ADGRL2: variants seen among roughly 807,000 people sequenced by gnomAD.
ADGRL2 encodes adhesion G protein-coupled receptor L2, also known as calcium-independent alpha-latrotoxin receptor 2.
Under a neutral mutation model 157.4 loss-of-function variants are expected in ADGRL2, and 44 were observed. That is an observed-to-expected ratio of 0.28 (90% CI 0.22 to 0.36). The LOEUF (loss-of-function observed/expected upper bound fraction) is 0.36, where lower values mean the gene tolerates loss of function less well. ADGRL2 is among the 10% of genes least tolerant of loss of function. ADGRL2 has a pLI of 1.00. For synonymous variants in ADGRL2, 585 were observed against 624.7 expected (o/e 0.94, Z 0.95); for missense variants, 1,510 against 1,768.9 (o/e 0.85, Z 2.63).
chr1:81,886,402 C>G (rs1364888139), intron 2 of ADGRL2, among the ~76,000 whole-genome samples: 1 of 152,162 alleles, frequency 6.6e-6, no homozygotes, highest in Non-Finnish European at 1.5e-5. Flanking sequence ...GATCTCCTGA[C>G]CTCGTGATCT....
At chr1:81,960,600 G>A (rs1452268622) in intron 11 of ADGRL2, among the ~76,000 whole-genome samples, 1 of 151,728 alleles carries the variant, frequency 6.6e-6, no homozygotes, top group Non-Finnish European at 1.5e-5. Flanking sequence ...TCGGCCTCCC[G>A]AGTAGCTGGG....
At chr1:81,694,149 G>T (rs746834903) in intron 3 of ADGRL2, among the ~76,000 whole-genome samples, 2 of 152,078 alleles carry the variant, frequency 1.3e-5, no homozygotes, top group Non-Finnish European at 2.9e-5. Context: ...TTGGAAAATG[G>T]ATCTCTCCTT....
At chr1:81,874,591 CTGTCT>C (rs747846422) in intron 2 of ADGRL2, among the ~76,000 whole-genome samples, 52 of 151,096 alleles carry the variant, frequency 3.4e-4, no homozygotes, top group African/African-American at 1.2e-3. Flanking sequence ...TTCTTTCTGT[CTGTCT>C]TGTCTTGTCT....
At chr1:81,835,255 G>T (rs1176174544) in intron 1 of ADGRL2, among the ~76,000 whole-genome samples, 5 of 152,060 alleles carry the variant, frequency 3.3e-5, no homozygotes, top group Admixed American at 3.3e-4. Context: ...GTGGTCCAAA[G>T]GCTGACTTAA....
At chr1:81,408,260 A>T (rs776706282) in intron 1 of ADGRL2, among the ~76,000 whole-genome samples, 16 of 152,192 alleles carry the variant, frequency 1.1e-4, no homozygotes, top group Non-Finnish European at 2.4e-4. Context: ...TCATTTTGTG[A>T]AATTACAGCA....
chr1:81,990,260 G>A, intron 23 of ADGRL2, 131 bp from the exon 24 acceptor site: 2 of 1,496,200 alleles, frequency 1.3e-6, no homozygotes, highest in East Asian at 2.3e-5. Flanking sequence ...GGAAAGCCTG[G>A]CACTTTTCAA....
chr1:81,493,196 G>T (rs1353522782), intron 2 of ADGRL2, among the ~76,000 whole-genome samples: 2 of 152,132 alleles, frequency 1.3e-5, no homozygotes, highest in African/African-American at 4.8e-5. Context: ...TCAAACAAAT[G>T]TACCCCACTC....
intron 1 of ADGRL2, among the ~76,000 whole-genome samples, chr1:81,364,944 G>A (rs568026966): frequency 4.6e-5 from 7 of 152,216 alleles, no homozygotes; most frequent in African/African-American, 1.2e-4. Flanking sequence ...GATTACAGGC[G>A]TGAGCCACTG....
intron 1 of ADGRL2, among the ~76,000 whole-genome samples, chr1:81,831,846 G>T (rs1359608442): frequency 6.6e-6 from 1 of 152,030 alleles, no homozygotes; most frequent in African/African-American, 2.4e-5. Context: ...GTAAATATTT[G>T]TTGAAGGAAT....
chr1:81,577,803 G>C (rs913178632), intron 2 of ADGRL2, among the ~76,000 whole-genome samples: 3 of 152,038 alleles, frequency 2.0e-5, no homozygotes, highest in African/African-American at 7.2e-5. Context: ...AATCTTTCCT[G>C]CCTCACTGTG....
At chr1:81,762,700 G>T (rs2085926476) in intron 2 of ADGRL2, among the ~76,000 whole-genome samples, 2 of 152,066 alleles carry the variant, frequency 1.3e-5, no homozygotes, top group East Asian at 3.9e-4. Context: ...CATGTTGTGT[G>T]CATGTGCGCT....
chr1:81,466,344 A>T (rs2078051763), intron 2 of ADGRL2, among the ~76,000 whole-genome samples: 3 of 152,168 alleles, frequency 2.0e-5, no homozygotes, highest in Non-Finnish European at 4.4e-5. Flanking sequence ...GTACAGGTTA[A>T]ATAAATTCGG....
intron 2 of ADGRL2, among the ~76,000 whole-genome samples, chr1:81,519,041 T>C (rs1442143663): frequency 6.6e-6 from 1 of 152,192 alleles, no homozygotes; most frequent in Non-Finnish European, 1.5e-5. Flanking sequence ...GGTGGGTCAT[T>C]TTTATTAGGC....
rs550434713 is a variant in ADGRL2 at position 81,907,066 on chromosome 1, C to T, written c.123C>T (p.Ser41=). Residue 41 remains serine, a synonymous_variant, in exon 3 of 24, where the codon TCC becomes TCT. Coordinates refer to ENST00000686636, the MANE Select transcript of ADGRL2 (RefSeq NM_001366006.2). Reference sequence around the variant, plus strand: ...TTGGGCTGGTGAGGCGAGAATTATCCTGTGAAGGTTATTCTATAGATCTGC... The same window carrying T: ...TTGGGCTGGTGAGGCGAGAATTATCTTGTGAAGGTTATTCTATAGATCTGC... ...LPFGLVRREL[S]CEGYSIDLRC... 9.9e-6 allele frequency: 16 copies of T among 1,613,964 alleles called. No individual in the cohort carries two copies. Among genetic ancestry groups the T allele is most frequent in the Non-Finnish European group, 1.3e-5 (15 of 1,179,982 alleles).
chr1:81,583,362 C>T (rs1013163357), intron 3 of ADGRL2, among the ~76,000 whole-genome samples: 57 of 151,692 alleles, frequency 3.8e-4, no homozygotes, highest in Non-Finnish European at 2.4e-4. Context: ...AAAATTTTTG[C>T]CTTTAGGGAA....
intron 1 of ADGRL2, among the ~76,000 whole-genome samples, chr1:81,801,799 G>A (rs2088201459): frequency 6.6e-6 from 1 of 152,294 alleles, no homozygotes; most frequent in Admixed American, 6.5e-5. Flanking sequence ...CCCGCCCGTC[G>A]CTTCGAAGGG....
At chr1:81,471,108 T>C (rs2078162896) in intron 2 of ADGRL2, among the ~76,000 whole-genome samples, 1 of 152,190 alleles carries the variant, frequency 6.6e-6, no homozygotes, top group African/African-American at 2.4e-5. Context: ...GTTAAGCACA[T>C]TGCAGGATTG....
intron 4 of ADGRL2, among the ~76,000 whole-genome samples, chr1:81,940,904 T>C (rs1269551743): frequency 6.7e-6 from 1 of 150,368 alleles, no homozygotes; most frequent in African/African-American, 2.4e-5. Flanking sequence ...CCTTCCTAAC[T>C]TCATAATCTG....
intron 3 of ADGRL2, among the ~76,000 whole-genome samples, chr1:81,933,587 C>A (rs1055988750): frequency 2.0e-5 from 3 of 152,136 alleles, no homozygotes; most frequent in African/African-American, 7.2e-5. Context: ...TAATTGCTTT[C>A]TTTCTGGATC....
Sources: gnomAD v4.1 joint callset for allele counts (sites outside exome capture counted in the v4.1 genomes callset) on GRCh38, gnomAD v4.1.1 for gene constraint, MANE v1.5 for transcripts, NCBI Gene and HGNC (gene_info 2026-07-23, HGNC 2026-07-21) for gene names.